Variants in PCDHGB3 observed in about 807,000 individuals in gnomAD.
The protein encoded by PCDHGB3 is protocadherin gamma-B3.
In PCDHGB3, 40 loss-of-function variants were observed where a neutral mutation model predicts 59.2. The observed-to-expected ratio is 0.68, with a 90% CI of 0.52 to 0.88. PCDHGB3 has a LOEUF of 0.88. Among genes scored for constraint, PCDHGB3 ranks in the 40% least tolerant of loss-of-function variants. PCDHGB3 has a pLI of 0.00. For missense variants in PCDHGB3, 1,309 were observed against 1,187.9 expected, an observed-to-expected ratio of 1.10 and a Z score of -1.50; for synonymous variants, 581 against 503.6, an observed-to-expected ratio of 1.15 and a Z score of -2.06.
chr5:141,399,605 A>G, intron 1 of PCDHGB3: 1 of 1,613,968 alleles, frequency 6.2e-7, no homozygotes, highest in Non-Finnish European at 8.5e-7. Context: ...AGCGACCTAG[A>G]GCCTCTGGCA....
chr5:141,419,451 C>T (rs747887064), intron 1 of PCDHGB3: 2 of 1,612,796 alleles, frequency 1.2e-6, no homozygotes, highest in Non-Finnish European at 8.5e-7. Flanking sequence ...TTCGAGCTCA[C>T]GCTGCAGGCC....
chr5:141,494,924 TGGGAGGAGATGGGGGAG>T, intron 2 of PCDHGB3, 59 bp downstream of exon 2: 1 of 1,613,498 alleles, frequency 6.2e-7, no homozygotes, highest in Admixed American at 1.7e-5. Flanking sequence ...AGGGATGACG[TGGGAGGAGATGGGGGAG>T]GGCCCAGCAT....
intron 1 of PCDHGB3, chr5:141,410,427 A>G (rs746046310): frequency 1.4e-5 from 22 of 1,613,832 alleles, no homozygotes; most frequent in East Asian, 1.1e-4. Flanking sequence ...GTTCCCCCCA[A>G]CTACAGTGAG....
At chr5:141,510,366 T>A (rs1452829030) in intron 3 of PCDHGB3, among the ~76,000 whole-genome samples, 1 of 140,062 alleles carries the variant, frequency 7.1e-6, no homozygotes, top group Non-Finnish European at 1.6e-5. Context: ...AACTACCGAA[T>A]CTCTACTCGT....
intron 1 of PCDHGB3, among the ~76,000 whole-genome samples, chr5:141,453,121 G>A (rs62379169): frequency 4.7e-4 from 71 of 151,818 alleles, no homozygotes; most frequent in Non-Finnish European, 8.4e-4. Flanking sequence ...GTTTTGTTTT[G>A]TTTTGTTTTT....
chr5:141,461,648 A>G (rs910827619), intron 1 of PCDHGB3, among the ~76,000 whole-genome samples: 2 of 152,070 alleles, frequency 1.3e-5, no homozygotes, highest in South Asian at 2.1e-4. Context: ...TCTTTGACCC[A>G]TGGATTATTT....
intron 3 of PCDHGB3, 126 bp downstream of exon 3, chr5:141,505,607 T>A: frequency 6.5e-7 from 1 of 1,528,684 alleles, no homozygotes. Flanking sequence ...TCGGCAGGTC[T>A]GAAAGGACCC....
chr5:141,456,701 G>A lies in PCDHGB3; in HGVS notation c.2416-38106G>A, dbSNP rs370086323. ...CATTACTGGCCAGGCGTGGTGGCTC[G>A]CGCCTGTAATCCCAGCACTTTGGGA... On this transcript the variant is annotated intron_variant, in intron 1 of 3. Transcript: ENST00000576222. 2.3e-4 allele frequency among the ~76,000 whole-genome samples: 35 copies of A among 152,106 alleles called. No homozygotes were observed. The South Asian group carries it at 4.8e-3, about 21-fold the overall frequency.
chr5:141,485,503 C>T lies in PCDHGB3; in HGVS notation c.2416-9304C>T, dbSNP rs1057374827. The T allele has an allele frequency of 5.0e-6, 8 of 1,614,096 alleles. No homozygotes were observed. The highest frequency in any genetic ancestry group is 6.8e-6 in the Non-Finnish European group (8 of 1,180,008). On this transcript the variant is annotated intron_variant, in intron 1 of 3. Coordinates refer to ENST00000576222, the MANE Select transcript of PCDHGB3 (RefSeq NM_018924.5). This position sits in a 1 kb window ranked among gnomAD's most constrained non-coding sequence, Gnocchi z 5.7. ...GCATCGTGCCCCTGGAGTTTGTCAC[C>T]GAAGGTCCTTTGGAAATGTACCGAG...
intron 1 of PCDHGB3, chr5:141,409,073 A>G (rs200127436): frequency 6.2e-7 from 1 of 1,613,866 alleles, no homozygotes. Context: ...CACAAAACAT[A>G]TGTTCTCATT....
intron 1 of PCDHGB3, chr5:141,413,176 A>T: frequency 6.2e-7 from 1 of 1,601,892 alleles, no homozygotes; most frequent in Non-Finnish European, 8.5e-7. Context: ...CCAGACTACA[A>T]TGGCCGCTCA....
In PCDHGB3 at chr5:141,490,175, A is replaced by C; in HGVS notation, c.2416-4632A>C. The C allele has an allele frequency of 1.9e-6, 3 of 1,614,194 alleles. No homozygotes were observed. Among genetic ancestry groups the C allele is most frequent in the East Asian group, 4.5e-5 (2 of 44,884 alleles). On this transcript the variant is annotated intron_variant, in intron 1 of 3. Coordinates refer to ENST00000576222, the MANE Select transcript of PCDHGB3 (RefSeq NM_018924.5). This position sits in a 1 kb window ranked among gnomAD's most constrained non-coding sequence, Gnocchi z 5.4. ...GTGTTGGGTCCCATAGACTTTGAGG[A>C]GTCACGTTTCTATGAAATTCATGCA...
At chr5:141,488,932 A>G (rs2233598) in intron 1 of PCDHGB3, among the ~76,000 whole-genome samples, 31,368 of 152,090 alleles carry the variant, frequency 0.21, 3,372 homozygotes, top group Admixed American at 0.31. Flanking sequence ...GGATTGAGGA[A>G]ACTCCATAAT....
chr5:141,495,726 C>T (rs2099763293), intron 2 of PCDHGB3, among the ~76,000 whole-genome samples: 1 of 152,070 alleles, frequency 6.6e-6, no homozygotes, highest in Non-Finnish European at 1.5e-5. Flanking sequence ...ACACGGGACC[C>T]TTAGTCTCTT....
intron 1 of PCDHGB3, chr5:141,389,699 C>T: frequency 1.2e-6 from 2 of 1,612,646 alleles, no homozygotes; most frequent in Non-Finnish European, 1.7e-6. Flanking sequence ...TGTCCTACCA[C>T]GTGCTGCAGG....
chr5:141,422,317 G>A (rs1266672163), intron 1 of PCDHGB3: 2 of 1,548,092 alleles, frequency 1.3e-6, no homozygotes, highest in Non-Finnish European at 1.7e-6. Context: ...CTCTCCTCCA[G>A]GTACAGTGAT....
chr5:141,383,820 A>T, intron 1 of PCDHGB3: 1 of 1,613,924 alleles, frequency 6.2e-7, no homozygotes, highest in East Asian at 2.2e-5. Context: ...TAGAAGGATT[A>T]GATTATGAAG....
Position 141,372,221 on chromosome 5 carries a change from G to T in PCDHGB3, c.1827G>T (p.Val609=), listed in dbSNP as rs1229058896. 6.2e-7 allele frequency: 1 copy of T among 1,613,516 alleles called. No individual in the cohort carries two copies. Among genetic ancestry groups the T allele is most frequent in the African/African-American group, 1.3e-5 (1 of 75,052 alleles). Residue 609 remains valine, a synonymous_variant, in exon 1 of 4, where the codon GTG becomes GTT. Coordinates refer to ENST00000576222, the MANE Select transcript of PCDHGB3 (RefSeq NM_018924.5). ...GYNAWLSYHI[V]QASEPGLFSL... is the part of the protein sequence containing the mutation. ...ACGCCTGGCTGTCCTACCACATTGT[G>T]CAGGCCAGCGAGCCCGGGCTGTTCA...
At chr5:141,377,334 G>C (rs1046555445) in intron 1 of PCDHGB3, 3 of 152,142 alleles carry the variant, frequency 2.0e-5, no homozygotes, top group South Asian at 4.1e-4. Flanking sequence ...TAGCTAGCAT[G>C]GTGGTTCACG....
Sources: allele counts gnomAD v4.1 joint callset (sites outside exome capture counted in the v4.1 genomes callset), GRCh38; gene constraint gnomAD v4.1.1; non-coding constraint Gnocchi (gnomAD v3.1); transcripts MANE v1.5; gene names NCBI Gene and HGNC (gene_info 2026-07-23, HGNC 2026-07-21).